The following RIMS1 variants were observed in gnomAD, a reference collection of about 807,000 sequenced individuals.
The protein encoded by RIMS1 is regulating synaptic membrane exocytosis 1.
RIMS1 carries 83 observed loss-of-function variants against 214.1 expected under a neutral mutation model. The ratio of observed to expected loss-of-function variants is 0.39; its 90% CI spans 0.32 to 0.47. The LOEUF (loss-of-function observed/expected upper bound fraction) is 0.47, where lower values mean the gene tolerates loss of function less well. Ranked by LOEUF, RIMS1 falls within the 20% of genes least tolerant of loss-of-function variation. The pLI is 0.99. For synonymous variants in RIMS1, 793 were observed against 786.8 expected (o/e 1.01, Z -0.13); for missense variants, 2,050 against 2,161.8 (o/e 0.95, Z 1.03).
chr6:72,168,414 G>T (rs2046561915), intron 4 of RIMS1, among the ~76,000 whole-genome samples: 1 of 152,208 alleles, frequency 6.6e-6, no homozygotes, highest in Non-Finnish European at 1.5e-5. Context: ...TTGAAGTTTG[G>T]ACTGGGGTTT....
chr6:72,301,851 T>G (rs2094639144), intron 26 of RIMS1, among the ~76,000 whole-genome samples: 1 of 151,538 alleles, frequency 6.6e-6, no homozygotes, highest in South Asian at 2.1e-4. Context: ...GTTTTTTAAA[T>G]TGGGAAAATA....
intron 4 of RIMS1, among the ~76,000 whole-genome samples, chr6:72,168,192 A>C (rs914041617): frequency 6.6e-6 from 1 of 152,184 alleles, no homozygotes; most frequent in Non-Finnish European, 1.5e-5. Flanking sequence ...GGGTGTTAGC[A>C]GTGGCAAATC....
At chr6:71,930,572 A>G (rs1782735431) in intron 1 of RIMS1, among the ~76,000 whole-genome samples, 1 of 152,032 alleles carries the variant, frequency 6.6e-6, no homozygotes, top group Non-Finnish European at 1.5e-5. Context: ...ATGAGCCATG[A>G]TCAGAATCCA....
At chr6:72,249,443 T>G (rs1331569885) in intron 12 of RIMS1, among the ~76,000 whole-genome samples, 1 of 152,146 alleles carries the variant, frequency 6.6e-6, no homozygotes, top group Non-Finnish European at 1.5e-5. Context: ...GTGTATTGTA[T>G]CCTTAGTTTT....
intron 24 of RIMS1, among the ~76,000 whole-genome samples, chr6:72,287,223 G>A (rs2092497125): frequency 6.6e-6 from 1 of 152,122 alleles, no homozygotes; most frequent in Non-Finnish European, 1.5e-5. Context: ...GTGTGTTATT[G>A]CAAAAGAGCC....
chr6:72,334,311 T>C (rs907743531), intron 29 of RIMS1, among the ~76,000 whole-genome samples: 2 of 151,876 alleles, frequency 1.3e-5, no homozygotes, highest in Non-Finnish European at 2.9e-5. Context: ...AGTTTCAATG[T>C]AAGTAAAAAC....
chr6:72,293,626 A>G (rs996018881), intron 26 of RIMS1, among the ~76,000 whole-genome samples: 2 of 151,852 alleles, frequency 1.3e-5, no homozygotes, highest in Admixed American at 6.6e-5. Context: ...TTGCAAATAA[A>G]ACATTTTATG....
chr6:72,233,077 A>G lies in RIMS1; in HGVS notation c.1679-696A>G, dbSNP rs115004929. Among the ~76,000 whole-genome samples, 335 of 151,926 alleles carry G rather than the reference A, an allele frequency of 2.2e-3. 1 individual carries two copies. Among genetic ancestry groups the G allele is most frequent in the African/African-American group, 7.7e-3 (321 of 41,500 alleles). Reference sequence around the variant, plus strand: ...CAATTTTTCTCCGGCCTTTCATCCTATACAAATACTGAAAGCACTGATACT... The same window carrying G: ...CAATTTTTCTCCGGCCTTTCATCCTGTACAAATACTGAAAGCACTGATACT... On this transcript the variant is annotated intron_variant, in intron 6 of 33. Coordinates refer to ENST00000521978, the MANE Select transcript of RIMS1 (RefSeq NM_014989.7).
intron 6 of RIMS1, among the ~76,000 whole-genome samples, chr6:72,198,247 C>T (rs890198875): frequency 6.6e-5 from 10 of 151,954 alleles, no homozygotes; most frequent in Non-Finnish European, 1.0e-4. Context: ...TGTGCATATA[C>T]GCAATTAAAT....
intron 1 of RIMS1, among the ~76,000 whole-genome samples, chr6:71,964,278 T>A (rs1320938933): frequency 1.3e-5 from 2 of 151,878 alleles, no homozygotes; most frequent in Non-Finnish European, 2.9e-5. Flanking sequence ...GTGATGGGAG[T>A]CCTGATGCTA....
intron 16 of RIMS1, among the ~76,000 whole-genome samples, chr6:72,256,024 G>GA (rs60682826): frequency 7.0e-5 from 7 of 100,000 alleles, no homozygotes; most frequent in African/African-American, 2.3e-4. Context: ...GACTCCATCT[G>GA]AAAAAAAAAA....
intron 11 of RIMS1, among the ~76,000 whole-genome samples, chr6:72,247,795 T>C (rs542560441): frequency 4.1e-4 from 63 of 152,238 alleles, no homozygotes; most frequent in African/African-American, 1.5e-3. Flanking sequence ...ACTCCAGAAA[T>C]GTAGATCAAT....
At chr6:71,908,484 A>G (rs898717356) in intron 1 of RIMS1, among the ~76,000 whole-genome samples, 6 of 152,210 alleles carry the variant, frequency 3.9e-5, no homozygotes, top group African/African-American at 1.4e-4. Context: ...ACACTGCTTC[A>G]TATGAGCCTC....
At chr6:72,167,270 C>T (rs2046394054) in intron 4 of RIMS1, among the ~76,000 whole-genome samples, 1 of 151,792 alleles carries the variant, frequency 6.6e-6, no homozygotes, top group Non-Finnish European at 1.5e-5. Context: ...GGATAAATTT[C>T]ACTTTGTAAT....
At chr6:72,042,368 A>C (rs1044782277) in intron 2 of RIMS1, among the ~76,000 whole-genome samples, 1 of 151,910 alleles carries the variant, frequency 6.6e-6, no homozygotes, top group East Asian at 1.9e-4. Flanking sequence ...ACAAGTTTCT[A>C]CTGTTACTTA....
chr6:71,901,436 C>G (rs768638163), intron 1 of RIMS1, among the ~76,000 whole-genome samples: 1 of 152,022 alleles, frequency 6.6e-6, no homozygotes, highest in Non-Finnish European at 1.5e-5. Context: ...CCACAATAAA[C>G]AGGAATAAAA....
chr6:72,354,803 G>T (rs1435155460), intron 29 of RIMS1, among the ~76,000 whole-genome samples: 1 of 152,086 alleles, frequency 6.6e-6, no homozygotes, highest in Non-Finnish European at 1.5e-5. Context: ...GACCTTTTGG[G>T]GTTCTGTTAA....
intron 4 of RIMS1, among the ~76,000 whole-genome samples, chr6:72,106,667 T>C (rs1364717875): frequency 2.0e-5 from 3 of 152,234 alleles, no homozygotes; most frequent in Admixed American, 2.0e-4. Flanking sequence ...TTGTTTGTTT[T>C]ATTTTGCTTT....
intron 4 of RIMS1, among the ~76,000 whole-genome samples, chr6:72,124,048 A>G (rs2153834436): frequency 6.6e-6 from 1 of 151,808 alleles, no homozygotes; most frequent in Admixed American, 6.6e-5. Flanking sequence ...TTGTTAGTTG[A>G]TGCAGTTTCT....
Sources: gnomAD v4.1 joint callset for allele counts (sites outside exome capture counted in the v4.1 genomes callset) on GRCh38, gnomAD v4.1.1 for gene constraint, MANE v1.5 for transcripts, NCBI Gene and HGNC (gene_info 2026-07-23, HGNC 2026-07-21) for gene names.